LAMA3: variants seen among roughly 807,000 people sequenced by gnomAD.
LAMA3 encodes laminin subunit alpha 3.
In LAMA3, 281 loss-of-function variants were observed where a neutral mutation model predicts 402.0. That is an observed-to-expected ratio of 0.70 (90% CI 0.63 to 0.77). The LOEUF (loss-of-function observed/expected upper bound fraction) is 0.77, where lower values mean the gene tolerates loss of function less well. LAMA3 is among the 30% of genes least tolerant of loss of function. LAMA3 has a pLI of 0.00. For synonymous variants in LAMA3, 1,431 were observed against 1,558.4 expected (o/e 0.92, Z 1.93); for missense variants, 3,840 against 4,215.5 (o/e 0.91, Z 2.47).
intron 68 of LAMA3, among the ~76,000 whole-genome samples, chr18:23,942,446 C>G (rs1261641135): frequency 6.6e-6 from 1 of 152,164 alleles, no homozygotes; most frequent in Non-Finnish European, 1.5e-5. Flanking sequence ...TATGCATCTT[C>G]CACACTCATT....
intron 6 of LAMA3, among the ~76,000 whole-genome samples, chr18:23,756,095 G>T (rs1250388957): frequency 6.6e-6 from 1 of 152,180 alleles, no homozygotes; most frequent in East Asian, 1.9e-4. Flanking sequence ...AGCTGAAATT[G>T]CCTCTCCAAC....
chr18:23,947,721 C>T (rs8092195), intron 70 of LAMA3, among the ~76,000 whole-genome samples: 22,920 of 151,738 alleles, frequency 0.15, 2,683 homozygotes, highest in East Asian at 0.6. Context: ...ATTTATAATA[C>T]ACATTATATA....
At chr18:23,704,364 T>C (rs1046437623) in intron 1 of LAMA3, among the ~76,000 whole-genome samples, 1 of 152,228 alleles carries the variant, frequency 6.6e-6, no homozygotes, top group African/African-American at 2.4e-5. Flanking sequence ...GAGGAAAGTG[T>C]TCCAGGCCAT....
At chr18:23,834,678 A>G (rs1156780267) in intron 24 of LAMA3, 1 of 154,308 alleles carries the variant, frequency 6.5e-6, no homozygotes, top group Non-Finnish European at 1.4e-5. Flanking sequence ...TTGAAACAGC[A>G]GATGGAGCAC....
intron 44 of LAMA3, 62 bp from the exon 45 acceptor site, chr18:23,898,676 C>T: frequency 8.9e-6 from 8 of 900,098 alleles, no homozygotes; most frequent in Non-Finnish European, 1.5e-5. Flanking sequence ...ACCCTGTTGA[C>T]CAGGTTGATA....
intron 32 of LAMA3, among the ~76,000 whole-genome samples, chr18:23,857,022 G>A (rs1598933227): frequency 6.6e-6 from 1 of 152,174 alleles, no homozygotes; most frequent in African/African-American, 2.4e-5. Context: ...TGCCTTGTTT[G>A]TAACTTGCCA....
At position 23,916,534 on chromosome 18, in the gene LAMA3, A is replaced by T. The variant is rs775759900; in HGVS notation, c.7779-17A>T. The T allele has an allele frequency of 5.6e-6, 9 of 1,613,606 alleles. No individual in the cohort carries two copies. The highest frequency in any genetic ancestry group is 6.8e-6 in the Non-Finnish European group (8 of 1,179,592). ...ATTTGCTGCTGTGTTCTAATTTATG[A>T]TGATTAATGTTGACAGGAGGAAGGA... On this transcript the variant is annotated splice_polypyrimidine_tract_variant and intron_variant, in intron 59 of 74. Transcript: ENST00000313654.
At chr18:23,901,425 A>G in intron 48 of LAMA3, 102 bp downstream of exon 48, 1 of 939,278 alleles carries the variant, frequency 1.1e-6, no homozygotes, top group Non-Finnish European at 1.7e-6. Flanking sequence ...CTGTCTGTAC[A>G]TCTCATTATA....
chr18:23,784,028 G>A lies in LAMA3; in HGVS notation c.1474G>A (p.Asp492Asn). ...AAGTTTCCTGTCTTCTGCAGGGTGT[G>A]ACTGTAATCTGGAAGGTGTTCTCCC... Reference protein sequence around the residue: ...DPVAGDIKGCDCNLEGVLPEI... With the variant: ...DPVAGDIKGCNCNLEGVLPEI... Residue 492 changes from aspartate to asparagine, a missense_variant, in exon 12 of 75, where the codon GAC becomes AAC. Asp to Asn is a conservative substitution (Grantham distance 23). Coordinates refer to ENST00000313654, the MANE Select transcript of LAMA3 (RefSeq NM_198129.4). 1.2e-6 allele frequency: 2 copies of A among 1,614,152 alleles called. No individual in the cohort carries two copies. Among genetic ancestry groups the A allele is most frequent in the Middle Eastern group, 1.6e-4 (1 of 6,062 alleles).
chr18:23,915,563 T>C (rs2081582986), intron 59 of LAMA3, 141 bp downstream of exon 59: 4 of 766,202 alleles, frequency 5.2e-6, no homozygotes, highest in African/African-American at 3.4e-5. Context: ...CAAGTATGTG[T>C]GCATGCAACA....
chr18:23,709,814 C>G (rs1281723318), intron 1 of LAMA3: 6 of 654,452 alleles, frequency 9.2e-6, no homozygotes, highest in African/African-American at 9.0e-5. Flanking sequence ...GCCAGCCAGA[C>G]TCAGTTTAGA....
chr18:23,755,958 C>A lies in LAMA3; in HGVS notation c.947+2146C>A, dbSNP rs528238763. Among the ~76,000 whole-genome samples, 5 of 152,196 alleles carry A rather than the reference C, an allele frequency of 3.3e-5. No homozygotes were observed. The South Asian group carries it at 8.3e-4, about 25-fold the overall frequency. ...GTGCCAATGGGACTCAGATGGGTAC[C>A]CAGCTCCTTTTTTTGCTATGCTCAA... On this transcript the variant is annotated intron_variant, in intron 6 of 74. Transcript: ENST00000313654.
chr18:23,727,309 GATTGATTGAT>G (rs2061316366), intron 2 of LAMA3, among the ~76,000 whole-genome samples: 1 of 30,232 alleles, frequency 3.3e-5, no homozygotes, highest in African/African-American at 8.0e-5. Flanking sequence ...GTCCTTGTTT[GATTGATTGAT>G]TGATTGATTG....
At chr18:23,734,012 T>C (rs138240024) in intron 2 of LAMA3, among the ~76,000 whole-genome samples, 35 of 152,372 alleles carry the variant, frequency 2.3e-4, no homozygotes, top group Middle Eastern at 3.4e-3. Context: ...AGTGACATTT[T>C]CCCTGCATCA....
At chr18:23,893,264 G>T (rs2080753282) in intron 42 of LAMA3, among the ~76,000 whole-genome samples, 1 of 152,204 alleles carries the variant, frequency 6.6e-6, no homozygotes, top group African/African-American at 2.4e-5. Flanking sequence ...GGGGAAGTGA[G>T]AGGACATGTC....
intron 2 of LAMA3, among the ~76,000 whole-genome samples, chr18:23,715,489 G>C (rs1437204529): frequency 6.6e-6 from 1 of 152,168 alleles, no homozygotes; most frequent in African/African-American, 2.4e-5. Flanking sequence ...GAAATTAAGA[G>C]AGAATGTGAG....
chr18:23,873,109 T>C (rs1486551257), intron 38 of LAMA3: 1 of 1,614,052 alleles, frequency 6.2e-7, no homozygotes, highest in Non-Finnish European at 8.5e-7. Context: ...GGGGCAGCCC[T>C]GGGGCAGTGT....
At position 23,689,674 on chromosome 18, in the gene LAMA3, G is replaced by A; in HGVS notation, c.-10G>A. The A allele has an allele frequency of 2.3e-6, 3 of 1,311,506 alleles. No individual in the cohort carries two copies. The highest frequency in any genetic ancestry group is 2.9e-6 in the Non-Finnish European group (3 of 1,036,578). The allele number at this position is 1,311,506 out of a possible 1,614,324, so 81.2% of individuals were successfully genotyped here. A position where few individuals can be genotyped will look rare whatever the true frequency, so the allele number is the denominator to read the frequency against. ...CGGACGGCTCAGGCGGGAGGACCCC[G>A]CGCGGCTGGATGGCGGCGGCCGCGC... On this transcript the variant is annotated 5_prime_UTR_variant, in exon 1 of 75. Coordinates refer to ENST00000313654, the MANE Select transcript of LAMA3 (RefSeq NM_198129.4).
intron 41 of LAMA3, among the ~76,000 whole-genome samples, chr18:23,887,670 A>T (rs1320370835): frequency 1.3e-5 from 2 of 152,242 alleles, no homozygotes; most frequent in Non-Finnish European, 2.9e-5. Context: ...ACACAAGGAC[A>T]GTCAAGGGTG....
Sources: gnomAD v4.1 joint callset for allele counts (sites outside exome capture counted in the v4.1 genomes callset) on GRCh38, gnomAD v4.1.1 for gene constraint, MANE v1.5 for transcripts, NCBI Gene and HGNC (gene_info 2026-07-23, HGNC 2026-07-21) for gene names.